RGS20: variants seen among roughly 807,000 people sequenced by gnomAD.
The protein encoded by RGS20 is regulator of G protein signaling 20.
Under a neutral mutation model 33.6 loss-of-function variants are expected in RGS20, and 30 were observed. The ratio of observed to expected loss-of-function variants is 0.89; its 90% CI spans 0.67 to 1.21. The LOEUF (loss-of-function observed/expected upper bound fraction) is 1.21. Among genes scored for constraint, RGS20 ranks in the 50% most tolerant of loss-of-function variants. The pLI, the probability that RGS20 is intolerant of heterozygous loss-of-function variation, is 0.00. For missense variants in RGS20, 472 were observed against 502.4 expected, an observed-to-expected ratio of 0.94 and a Z score of 0.58; for synonymous variants, 208 against 197.9, an observed-to-expected ratio of 1.05 and a Z score of -0.43.
At chr8:53,926,796 C>T (rs1193059234) in intron 2 of RGS20, among the ~76,000 whole-genome samples, 2 of 151,988 alleles carry the variant, frequency 1.3e-5, no homozygotes, top group Non-Finnish European at 2.9e-5. Flanking sequence ...CCTGTAATCC[C>T]AGCTGCTCTG....
At chr8:53,897,674 T>G (rs1812906248) in intron 2 of RGS20, among the ~76,000 whole-genome samples, 2 of 152,180 alleles carry the variant, frequency 1.3e-5, no homozygotes, top group Admixed American at 1.3e-4. Context: ...ATACGCCAAC[T>G]TGAAGAAATT....
chr8:53,939,516 C>T, intron 2 of RGS20, 60 bp from the exon 2 acceptor site: 1 of 1,420,336 alleles, frequency 7.0e-7, no homozygotes, highest in African/African-American at 1.4e-5. Context: ...ACTCCCTGGG[C>T]TTACGCCTTC....
At chr8:53,941,154 A>G (rs1814285905) in intron 3 of RGS20, among the ~76,000 whole-genome samples, 1 of 152,216 alleles carries the variant, frequency 6.6e-6, no homozygotes, top group African/African-American at 2.4e-5. Context: ...GTCAGGTCCC[A>G]GAGCAGGCTC....
intron 2 of RGS20, among the ~76,000 whole-genome samples, chr8:53,917,759 ACT>A (rs1255326228): frequency 2.6e-5 from 4 of 152,086 alleles, no homozygotes; most frequent in African/African-American, 9.7e-5. Context: ...ACAGAGACTG[ACT>A]CTGTCTCAGT....
At chr8:53,918,016 T>C (rs1342767068) in intron 2 of RGS20, among the ~76,000 whole-genome samples, 1 of 152,220 alleles carries the variant, frequency 6.6e-6, no homozygotes, top group Admixed American at 6.5e-5. Flanking sequence ...ATTCCTTCAA[T>C]TAACAGAATG....
intron 2 of RGS20, among the ~76,000 whole-genome samples, chr8:53,882,398 C>T (rs1812415076): frequency 6.6e-6 from 1 of 152,090 alleles, no homozygotes. Flanking sequence ...CAGCGAGCGA[C>T]CCCAGCAGCA....
At chr8:53,933,871 A>G (rs1814048553) in intron 2 of RGS20, among the ~76,000 whole-genome samples, 1 of 152,208 alleles carries the variant, frequency 6.6e-6, no homozygotes, top group Admixed American at 6.5e-5. Context: ...AGGTCGGGTT[A>G]CCCACAAAGG....
At chr8:53,930,895 C>T (rs181321535) in intron 2 of RGS20, among the ~76,000 whole-genome samples, 1 of 152,240 alleles carries the variant, frequency 6.6e-6, no homozygotes, top group Admixed American at 6.5e-5. Flanking sequence ...TTCAAAACAT[C>T]TTGGTTTGGA....
chr8:53,863,237 T>C (rs1398122141), intron 1 of RGS20, among the ~76,000 whole-genome samples: 2 of 152,124 alleles, frequency 1.3e-5, no homozygotes, highest in African/African-American at 4.8e-5. Context: ...TCCGCCCGCC[T>C]CGGCCTCCCA....
At chr8:53,906,393 C>A (rs1391594510) in intron 2 of RGS20, among the ~76,000 whole-genome samples, 1 of 151,632 alleles carries the variant, frequency 6.6e-6, no homozygotes, top group African/African-American at 2.4e-5. Context: ...GAAAAAAAAA[C>A]AACTCACTCA....
chr8:53,900,395 G>A (rs553637947), intron 2 of RGS20, among the ~76,000 whole-genome samples: 1 of 152,168 alleles, frequency 6.6e-6, no homozygotes, highest in South Asian at 2.1e-4. Context: ...ACCTGCCTCA[G>A]CCTCCCAAAG....
At chr8:53,865,355 C>T (rs1213420229) in intron 1 of RGS20, among the ~76,000 whole-genome samples, 3 of 152,226 alleles carry the variant, frequency 2.0e-5, no homozygotes, top group African/African-American at 7.2e-5. Flanking sequence ...CTCTATCCCA[C>T]AGTTTCTCGC....
At chr8:53,923,467 T>C (rs1291519929) in intron 2 of RGS20, among the ~76,000 whole-genome samples, 6 of 151,984 alleles carry the variant, frequency 3.9e-5, no homozygotes, top group African/African-American at 1.2e-4. Flanking sequence ...TGGTGGTGTG[T>C]GCCAGTAGTC....
chr8:53,958,691 C>T lies in RGS20; in HGVS notation c.*233C>T, dbSNP rs982044896. 4 of 233,154 alleles carry T rather than the reference C, an allele frequency of 1.7e-5. No individual in the cohort carries two copies. Among genetic ancestry groups the T allele is most frequent in the East Asian group, 1.7e-4 (2 of 11,786 alleles). 14.4% of individuals were successfully genotyped at this position (233,154 alleles called of 1,614,324 possible). ...GGATATGGCTGTTGTAGAAAGATAG[C>T]GTATTTGCATTTACAATAACAGTAG... On this transcript the variant is annotated 3_prime_UTR_variant, in exon 6 of 6. Coordinates refer to ENST00000297313, the MANE Select transcript of RGS20 (RefSeq NM_170587.4).
intron 4 of RGS20, among the ~76,000 whole-genome samples, chr8:53,949,654 T>C (rs1411495783): frequency 6.7e-6 from 1 of 149,336 alleles, no homozygotes. Flanking sequence ...GAGGCAGAGG[T>C]TGCAGTGAGC....
chr8:53,957,417 C>G (rs1814898450), intron 5 of RGS20, among the ~76,000 whole-genome samples: 1 of 152,254 alleles, frequency 6.6e-6, no homozygotes, highest in Admixed American at 6.5e-5. Context: ...TAAACACAGG[C>G]ATTGTCTGCC....
intron 2 of RGS20, chr8:53,886,879 T>C (rs1301086499): frequency 6.6e-6 from 1 of 152,282 alleles, no homozygotes; most frequent in Non-Finnish European, 1.5e-5. Flanking sequence ...GAAAGAATTA[T>C]GTAACCTACT....
At chr8:53,858,501 T>C (rs534436375) in intron 1 of RGS20, among the ~76,000 whole-genome samples, 19 of 151,382 alleles carry the variant, frequency 1.3e-4, no homozygotes, top group Admixed American at 2.0e-4. Context: ...TATATATATA[T>C]ACACACACAC....
intron 2 of RGS20, among the ~76,000 whole-genome samples, chr8:53,904,462 A>G (rs142364645): frequency 8.3e-4 from 126 of 152,274 alleles, no homozygotes; most frequent in African/African-American, 2.7e-3. Flanking sequence ...TAATTTTTCT[A>G]TGATGTAAGT....
Sources: allele counts gnomAD v4.1 joint callset (sites outside exome capture counted in the v4.1 genomes callset), GRCh38; gene constraint gnomAD v4.1.1; transcripts MANE v1.5; gene names NCBI Gene and HGNC (gene_info 2026-07-23, HGNC 2026-07-21).